Variants in GRID1 observed in about 807,000 individuals in gnomAD.
GRID1 encodes the protein glutamate ionotropic receptor delta type subunit 1.
GRID1 carries 28 observed loss-of-function variants against 98.0 expected under a neutral mutation model. The observed-to-expected ratio is 0.29, with a 90% confidence interval of 0.21 to 0.39. The LOEUF (loss-of-function observed/expected upper bound fraction) is 0.39, where lower values mean the gene tolerates loss of function less well. Ranked by LOEUF, GRID1 falls within the 10% of genes least tolerant of loss-of-function variation. GRID1 has a pLI of 1.00. For synonymous variants in GRID1, 553 were observed against 538.5 expected (o/e 1.03, Z -0.37); for missense variants, 1,111 against 1,340.5 (o/e 0.83, Z 2.67).
At chr10:86,019,852 G>A (rs1185162966) in intron 4 of GRID1, among the ~76,000 whole-genome samples, 1 of 152,228 alleles carries the variant, frequency 6.6e-6, no homozygotes, top group Non-Finnish European at 1.5e-5. Flanking sequence ...AGGGTGGTTC[G>A]AGGAGCACAC....
In GRID1 at chr10:85,945,851, G is replaced by A. The variant is rs577609666; in HGVS notation, c.727-29612C>T. 2.0e-5 allele frequency among the ~76,000 whole-genome samples: 3 copies of A among 152,278 alleles called. No homozygotes were observed. The South Asian group carries it at 6.2e-4, about 32-fold the overall frequency. ...ATAAGGGCTTTAAATTATTATTTAT[G>A]AGTGACACATATGGTTTTCAGCAAC... On this transcript the variant is annotated intron_variant, in intron 4 of 15. Transcript: ENST00000327946.
chr10:86,027,703 GC>G (rs1353477972), intron 4 of GRID1, among the ~76,000 whole-genome samples: 1 of 152,180 alleles, frequency 6.6e-6, no homozygotes, highest in Non-Finnish European at 1.5e-5. Flanking sequence ...TTCAGGAAAA[GC>G]CACAGCTGAC....
At chr10:85,887,019 C>G (rs545434972) in intron 5 of GRID1, among the ~76,000 whole-genome samples, 1 of 152,352 alleles carries the variant, frequency 6.6e-6, no homozygotes, top group Non-Finnish European at 1.5e-5. Context: ...TTATTTTCCT[C>G]TTCCAAACCA....
intron 4 of GRID1, among the ~76,000 whole-genome samples, chr10:86,091,061 G>C (rs1265554985): frequency 2.0e-5 from 3 of 152,160 alleles, no homozygotes; most frequent in African/African-American, 7.2e-5. Flanking sequence ...AGAGAAGCAG[G>C]GGGTAAAACT....
intron 4 of GRID1, among the ~76,000 whole-genome samples, chr10:86,101,750 C>T (rs1844299625): frequency 6.6e-6 from 1 of 151,954 alleles, no homozygotes; most frequent in Non-Finnish European, 1.5e-5. Flanking sequence ...AGAGATCCTC[C>T]CACCTAAGCC....
intron 8 of GRID1, among the ~76,000 whole-genome samples, chr10:85,822,867 G>A (rs746839238): frequency 4.6e-5 from 7 of 152,208 alleles, no homozygotes; most frequent in Admixed American, 3.3e-4. Flanking sequence ...CATAAAAAAT[G>A]TTGTGTTCAC....
At chr10:85,767,967 G>C (rs957568860) in intron 8 of GRID1, among the ~76,000 whole-genome samples, 2 of 152,188 alleles carry the variant, frequency 1.3e-5, no homozygotes, top group African/African-American at 4.8e-5. Flanking sequence ...GTTGACAAGG[G>C]ATGCAAACCA....
chr10:86,100,788 T>C (rs912150328), intron 4 of GRID1, among the ~76,000 whole-genome samples: 2 of 152,178 alleles, frequency 1.3e-5, no homozygotes, highest in African/African-American at 4.8e-5. Context: ...GCTTGTGCCA[T>C]GGCCAAAAGA....
intron 12 of GRID1, among the ~76,000 whole-genome samples, chr10:85,702,547 C>T (rs1396952974): frequency 2.0e-5 from 3 of 151,948 alleles, no homozygotes; most frequent in African/African-American, 4.8e-5. Flanking sequence ...AACTAAAGTG[C>T]AAGTTTCTGT....
At chr10:86,312,856 C>A (rs1847850341) in intron 2 of GRID1, among the ~76,000 whole-genome samples, 1 of 152,176 alleles carries the variant, frequency 6.6e-6, no homozygotes, top group Admixed American at 6.5e-5. Flanking sequence ...CGGTGGCCCA[C>A]CCACTGAGGG....
At chr10:86,201,153 C>A (rs1459231396) in intron 3 of GRID1, among the ~76,000 whole-genome samples, 16 of 152,088 alleles carry the variant, frequency 1.1e-4, no homozygotes, top group Admixed American at 1.0e-3. Flanking sequence ...ATAACAAAAT[C>A]CTGGAAACAA....
rs112045943 is a variant in GRID1 at position 86,115,377 on chromosome 10, G to A, written c.726+23442C>T. ...TGAATGAATGAATGAATGAATGAAT[G>A]AACAGATGAATGAAAACTTGGAATC... is the stretch of plus-strand genomic sequence containing the variant. On this transcript the variant is annotated intron_variant, in intron 4 of 15. Coordinates refer to ENST00000327946, the MANE Select transcript of GRID1 (RefSeq NM_017551.3). Among the ~76,000 whole-genome samples the A allele has an allele frequency of 5.4e-3, 815 of 152,182 alleles. 9 individuals are homozygous for A. Among genetic ancestry groups the A allele is most frequent in the African/African-American group, 0.019 (772 of 41,482 alleles).
intron 2 of GRID1, among the ~76,000 whole-genome samples, chr10:86,293,346 G>A (rs1271622928): frequency 6.6e-6 from 1 of 152,202 alleles, no homozygotes; most frequent in Non-Finnish European, 1.5e-5. Context: ...TGAGACTTGA[G>A]GAGAAGGGCC....
At chr10:85,653,316 G>A (rs73326614) in intron 12 of GRID1, among the ~76,000 whole-genome samples, 3,206 of 152,310 alleles carry the variant, frequency 0.021, 102 homozygotes, top group African/African-American at 0.073. Flanking sequence ...ACATAAAGTA[G>A]CCAGGGTGGA....
intron 4 of GRID1, among the ~76,000 whole-genome samples, chr10:86,017,420 C>T (rs116670904): frequency 0.031 from 4,652 of 152,244 alleles, 221 homozygotes; most frequent in African/African-American, 0.1. Context: ...CTGACCCCAC[C>T]CCAGTAAGTG....
intron 4 of GRID1, among the ~76,000 whole-genome samples, chr10:86,083,019 C>T (rs1313535228): frequency 6.6e-6 from 1 of 152,174 alleles, no homozygotes; most frequent in Non-Finnish European, 1.5e-5. Flanking sequence ...AAAGATGTCA[C>T]ATTGCTCATC....
intron 12 of GRID1, among the ~76,000 whole-genome samples, chr10:85,684,065 T>C (rs991636435): frequency 6.6e-6 from 1 of 152,218 alleles, no homozygotes. Context: ...TCAGAAACCA[T>C]CCATTTAATA....
At chr10:86,115,987 C>T (rs1424685601) in intron 4 of GRID1, among the ~76,000 whole-genome samples, 1 of 152,178 alleles carries the variant, frequency 6.6e-6, no homozygotes, top group Non-Finnish European at 1.5e-5. Flanking sequence ...TCGGCACAGT[C>T]CCATGCTATG....
At chr10:85,850,564 C>T (rs765458583) in intron 8 of GRID1, among the ~76,000 whole-genome samples, 6 of 152,218 alleles carry the variant, frequency 3.9e-5, no homozygotes, top group Non-Finnish European at 8.8e-5. Context: ...GGGAGCCTCC[C>T]ATCTCTGGCC....
Sources: gnomAD v4.1 joint callset for allele counts (sites outside exome capture counted in the v4.1 genomes callset) on GRCh38, gnomAD v4.1.1 for gene constraint, MANE v1.5 for transcripts, NCBI Gene and HGNC (gene_info 2026-07-23, HGNC 2026-07-21) for gene names.